Variants in COG5 observed in about 807,000 individuals in gnomAD.
COG5 encodes conserved oligomeric Golgi complex subunit 5.
A neutral mutation model predicts 110.4 loss-of-function variants in COG5; 86 were observed. The observed-to-expected ratio is 0.78, with a 90% CI of 0.65 to 0.93. COG5 has a LOEUF of 0.93. Ranked by LOEUF, COG5 falls within the 40% of genes least tolerant of loss-of-function variation. COG5 has a pLI of 0.00. For synonymous variants in COG5, 360 were observed against 334.6 expected, an observed-to-expected ratio of 1.08 and a Z score of -0.83; for missense variants, 1,077 against 987.0, an observed-to-expected ratio of 1.09 and a Z score of -1.22.
chr7:107,490,620 T>C (rs1797921954), intron 6 of COG5, among the ~76,000 whole-genome samples: 1 of 152,140 alleles, frequency 6.6e-6, no homozygotes, highest in South Asian at 2.1e-4. Flanking sequence ...GAAAGCAATA[T>C]TTTGAGGACC....
intron 14 of COG5, chr7:107,258,676 G>A: frequency 2.5e-6 from 1 of 395,530 alleles, no homozygotes; most frequent in Non-Finnish European, 4.6e-6. Flanking sequence ...GGACTCTTGA[G>A]GCAGGTGTGA....
At chr7:107,462,347 A>T (rs376271149) in intron 6 of COG5, among the ~76,000 whole-genome samples, 2 of 152,342 alleles carry the variant, frequency 1.3e-5, no homozygotes, top group South Asian at 4.1e-4. Flanking sequence ...TTTTGCAAAG[A>T]TCTCACCAGA....
At chr7:107,271,573 T>C (rs988553590) in intron 14 of COG5, among the ~76,000 whole-genome samples, 13 of 152,144 alleles carry the variant, frequency 8.5e-5, no homozygotes, top group African/African-American at 3.1e-4. Flanking sequence ...CCACTGTAAA[T>C]AGCCTTTTAT....
At chr7:107,384,361 C>A (rs1815385027) in intron 7 of COG5, among the ~76,000 whole-genome samples, 1 of 152,178 alleles carries the variant, frequency 6.6e-6, no homozygotes, top group Non-Finnish European at 1.5e-5. Flanking sequence ...GAAACTCCAA[C>A]CTGCCTGCCC....
intron 10 of COG5, among the ~76,000 whole-genome samples, chr7:107,359,802 G>A (rs1214088362): frequency 2.0e-5 from 3 of 152,034 alleles, no homozygotes; most frequent in African/African-American, 7.2e-5. Flanking sequence ...AAGCACTCTG[G>A]GTCTCCTCTC....
At chr7:107,240,917 T>G (rs560130783) in intron 17 of COG5, among the ~76,000 whole-genome samples, 1 of 152,204 alleles carries the variant, frequency 6.6e-6, no homozygotes, top group Non-Finnish European at 1.5e-5. Flanking sequence ...TACATGAATC[T>G]CAAATGACTG....
At position 107,415,908 on chromosome 7, in the gene COG5, ATGTATG is replaced by A. The variant is rs1203208891; in HGVS notation, c.539-3282_539-3277del. ...TATATACACACACATACACGTATGT[ATGTATG>A]TGTGTGTATATACACACACATACAC... On this transcript the variant is annotated intron_variant, in intron 6 of 21. Coordinates refer to ENST00000297135, the MANE Select transcript of COG5 (RefSeq NM_006348.5). 7.7e-5 allele frequency among the ~76,000 whole-genome samples: 9 copies of A among 116,730 alleles called. 3 individuals are homozygous for A. Among genetic ancestry groups the A allele is most frequent in the African/African-American group, 2.9e-4 (8 of 27,960 alleles). 76.6% of individuals were successfully genotyped at this position (116,730 alleles called of 152,430 possible). A position where few individuals can be genotyped will look rare whatever the true frequency, so the allele number is the denominator to read the frequency against.
intron 13 of COG5, 138 bp downstream of exon 13, chr7:107,283,433 T>G: frequency 1.4e-6 from 1 of 692,680 alleles, no homozygotes; most frequent in Admixed American, 2.8e-5. Context: ...TGCACTCATT[T>G]ACTATAAAAT....
intron 6 of COG5, among the ~76,000 whole-genome samples, chr7:107,513,190 C>G (rs1432537870): frequency 6.6e-6 from 1 of 152,092 alleles, no homozygotes; most frequent in Non-Finnish European, 1.5e-5. Context: ...TGAACTCAAA[C>G]AAATTTACAA....
chr7:107,208,330 A>G, intron 21 of COG5: 1 of 985,408 alleles, frequency 1.0e-6, no homozygotes, highest in Non-Finnish European at 1.2e-6. Flanking sequence ...AGCACTGCTG[A>G]TGAAATCACT....
At chr7:107,311,087 T>C (rs1210193713) in intron 11 of COG5, among the ~76,000 whole-genome samples, 1 of 152,162 alleles carries the variant, frequency 6.6e-6, no homozygotes. Context: ...CCGGCGAATG[T>C]CTGTTTAAAT....
chr7:107,223,065 A>T (rs1800065644), intron 19 of COG5, among the ~76,000 whole-genome samples: 1 of 152,182 alleles, frequency 6.6e-6, no homozygotes, highest in Non-Finnish European at 1.5e-5. Context: ...AGATATAGGC[A>T]TCATTCTCTT....
intron 6 of COG5, among the ~76,000 whole-genome samples, chr7:107,497,549 C>T (rs1798357132): frequency 6.6e-6 from 1 of 152,106 alleles, no homozygotes; most frequent in African/African-American, 2.4e-5. Flanking sequence ...TTTACAATTG[C>T]ATCCAAAGAA....
intron 5 of COG5, 138 bp from the exon 6 acceptor site, chr7:107,527,495 C>T (rs1440310842): frequency 7.0e-6 from 6 of 862,816 alleles, no homozygotes; most frequent in South Asian, 1.5e-5. Context: ...CAAACCTGCA[C>T]ATGTATCCCG....
intron 11 of COG5, among the ~76,000 whole-genome samples, chr7:107,303,333 T>A (rs1357704520): frequency 6.6e-6 from 1 of 152,064 alleles, no homozygotes; most frequent in Admixed American, 6.6e-5. Context: ...GCAAATGTGA[T>A]TGATTAATTA....
chr7:107,332,814 T>G (rs778873930), intron 10 of COG5, among the ~76,000 whole-genome samples: 1 of 152,034 alleles, frequency 6.6e-6, no homozygotes, highest in Non-Finnish European at 1.5e-5. Flanking sequence ...TCTGTTGTTT[T>G]AAAAAAATAT....
chr7:107,407,633 T>TC (rs936489333), intron 7 of COG5, among the ~76,000 whole-genome samples: 4 of 150,320 alleles, frequency 2.7e-5, no homozygotes, highest in African/African-American at 7.4e-5. Context: ...TTTTTTTTTT[T>TC]CAAAGGTGCT....
chr7:107,413,131 C>T (rs1792433091), intron 6 of COG5, among the ~76,000 whole-genome samples: 1 of 151,988 alleles, frequency 6.6e-6, no homozygotes, highest in Non-Finnish European at 1.5e-5. Flanking sequence ...GTCCTCCCAC[C>T]TCAGCCTCCC....
chr7:107,249,106 A>AG (rs1167063072), intron 16 of COG5, among the ~76,000 whole-genome samples: 1 of 152,152 alleles, frequency 6.6e-6, no homozygotes, highest in Non-Finnish European at 1.5e-5. Context: ...TCTACCCGCA[A>AG]GTAGGCTCCA....
Sources: allele counts gnomAD v4.1 joint callset (sites outside exome capture counted in the v4.1 genomes callset), GRCh38; gene constraint gnomAD v4.1.1; transcripts MANE v1.5; gene names NCBI Gene and HGNC (gene_info 2026-07-23, HGNC 2026-07-21).